Variants in PPM1E observed in about 807,000 individuals in gnomAD.
The protein encoded by PPM1E is protein phosphatase 1E.
A neutral mutation model predicts 65.9 loss-of-function variants in PPM1E; 20 were observed. That is an observed-to-expected ratio of 0.30 (90% CI 0.21 to 0.44). The LOEUF is 0.44. Ranked by LOEUF, PPM1E falls within the 20% of genes least tolerant of loss-of-function variation. PPM1E has a pLI of 1.00. For synonymous variants in PPM1E, 352 were observed against 374.9 expected (o/e 0.94, Z 0.70); for missense variants, 713 against 953.1 (o/e 0.75, Z 3.32).
At chr17:58,794,888 CT>C (rs35841208) in intron 1 of PPM1E, among the ~76,000 whole-genome samples, 32,662 of 131,330 alleles carry the variant, frequency 0.25, 3,632 homozygotes, top group Middle Eastern at 0.39. Flanking sequence ...GTACATGTGT[CT>C]TTTTTTTTTT....
chr17:58,958,605 CT>C (rs1419961666), intron 2 of PPM1E, among the ~76,000 whole-genome samples: 1 of 151,160 alleles, frequency 6.6e-6, no homozygotes, highest in Non-Finnish European at 1.5e-5. Flanking sequence ...ATTTGAAAAC[CT>C]GGATGTCTTC....
chr17:58,910,896 G>C (rs557249298), intron 1 of PPM1E, among the ~76,000 whole-genome samples: 12 of 152,224 alleles, frequency 7.9e-5, no homozygotes, highest in Non-Finnish European at 1.8e-4. Flanking sequence ...GTGCTCTGCC[G>C]CATTTCAACA....
At chr17:58,918,958 G>A (rs1360942081) in intron 1 of PPM1E, among the ~76,000 whole-genome samples, 2 of 152,046 alleles carry the variant, frequency 1.3e-5, no homozygotes, top group Non-Finnish European at 2.9e-5. Flanking sequence ...GCTTTTATGA[G>A]CTACAGTTAT....
At chr17:58,873,843 C>T (rs2143356627) in intron 1 of PPM1E, among the ~76,000 whole-genome samples, 1 of 151,088 alleles carries the variant, frequency 6.6e-6, no homozygotes, top group African/African-American at 2.4e-5. Context: ...GTGATCTGCC[C>T]ACCTTAGCCC....
At chr17:58,801,103 G>A (rs897274708) in intron 1 of PPM1E, among the ~76,000 whole-genome samples, 1 of 152,038 alleles carries the variant, frequency 6.6e-6, no homozygotes, top group African/African-American at 2.4e-5. Flanking sequence ...TGGTGAACAT[G>A]CCATGTACAC....
intron 1 of PPM1E, among the ~76,000 whole-genome samples, chr17:58,944,000 C>T (rs955412426): frequency 6.6e-6 from 1 of 152,166 alleles, no homozygotes; most frequent in Non-Finnish European, 1.5e-5. Flanking sequence ...TGCATCTGTA[C>T]TGATTTTCTT....
intron 1 of PPM1E, among the ~76,000 whole-genome samples, chr17:58,835,531 T>G (rs2050646973): frequency 6.6e-6 from 1 of 152,114 alleles, no homozygotes; most frequent in African/African-American, 2.4e-5. Flanking sequence ...TTAAAACATA[T>G]ATTTTTGACT....
intron 1 of PPM1E, among the ~76,000 whole-genome samples, chr17:58,880,438 A>G (rs2051181662): frequency 6.6e-6 from 1 of 152,224 alleles, no homozygotes; most frequent in South Asian, 2.1e-4. Flanking sequence ...AAAGATGTAT[A>G]AACATAAGAA....
chr17:58,784,143 C>T (rs1003119178), intron 1 of PPM1E, among the ~76,000 whole-genome samples: 9 of 152,050 alleles, frequency 5.9e-5, no homozygotes, highest in African/African-American at 2.2e-4. Context: ...CCACCTTAGC[C>T]TCCCGAGTAG....
chr17:58,926,535 G>A (rs2051825983), intron 1 of PPM1E, among the ~76,000 whole-genome samples: 1 of 152,030 alleles, frequency 6.6e-6, no homozygotes, highest in Non-Finnish European at 1.5e-5. Flanking sequence ...GTGTGTATAT[G>A]TAAAGAAGCA....
chr17:58,854,788 C>T (rs1415091433), intron 1 of PPM1E, among the ~76,000 whole-genome samples: 1 of 152,052 alleles, frequency 6.6e-6, no homozygotes, highest in Non-Finnish European at 1.5e-5. Context: ...TAATATGCTG[C>T]TGAATTCTGT....
At chr17:58,830,432 C>T (rs1264938699) in intron 1 of PPM1E, among the ~76,000 whole-genome samples, 15 of 151,834 alleles carry the variant, frequency 9.9e-5, no homozygotes, top group African/African-American at 2.4e-4. Context: ...CTCAGCCTCC[C>T]GAGTAGCTGG....
At chr17:58,933,111 G>A (rs1331934425) in intron 1 of PPM1E, among the ~76,000 whole-genome samples, 1 of 152,134 alleles carries the variant, frequency 6.6e-6, no homozygotes, top group Non-Finnish European at 1.5e-5. Context: ...GTTTATATGA[G>A]TATGCTCTAT....
intron 1 of PPM1E, among the ~76,000 whole-genome samples, chr17:58,917,088 T>C (rs2051692154): frequency 6.6e-6 from 1 of 151,936 alleles, no homozygotes; most frequent in African/African-American, 2.4e-5. Context: ...TTCATGCCTG[T>C]AATCCCAACT....
At chr17:58,847,352 A>G (rs999671910) in intron 1 of PPM1E, among the ~76,000 whole-genome samples, 15 of 152,308 alleles carry the variant, frequency 9.8e-5, no homozygotes, top group Non-Finnish European at 1.8e-4. Flanking sequence ...GCCCATGCCT[A>G]TGGCCTGAAT....
chr17:58,879,997 G>A (rs1206450399), intron 1 of PPM1E, among the ~76,000 whole-genome samples: 1 of 152,088 alleles, frequency 6.6e-6, no homozygotes, highest in Non-Finnish European at 1.5e-5. Context: ...AATTTCACAC[G>A]GCATGGGAGC....
chr17:58,869,097 G>A (rs1235937234), intron 1 of PPM1E, among the ~76,000 whole-genome samples: 1 of 152,172 alleles, frequency 6.6e-6, no homozygotes, highest in African/African-American at 2.4e-5. Context: ...TTGAACCCGG[G>A]AGGCAGAGAT....
rs2143887115 is a variant in PPM1E, at chr17:58,984,142, A to C, written c.*3111A>C. On this transcript the variant is annotated 3_prime_UTR_variant, in exon 7 of 7. Transcript: ENST00000308249. ...ATTGTCCTTGAATTATTATGATTAAAGTTACTGTTGCATTTAGGAGGCTCC... is the reference window on the plus strand; with the variant it reads ...ATTGTCCTTGAATTATTATGATTAACGTTACTGTTGCATTTAGGAGGCTCC... The C allele has an allele frequency of 6.5e-6, 1 of 152,786 alleles. No individual in the cohort carries two copies. The highest frequency in any genetic ancestry group is 2.1e-4 in the South Asian group (1 of 4,826). The allele number at this position is 152,786 out of a possible 1,614,324, so 9.5% of individuals were successfully genotyped here.
At chr17:58,957,425 T>G (rs947306704) in intron 2 of PPM1E, among the ~76,000 whole-genome samples, 2 of 152,204 alleles carry the variant, frequency 1.3e-5, no homozygotes, top group African/African-American at 4.8e-5. Context: ...GTGGATATAA[T>G]TGGTTATTCT....
Sources: gnomAD v4.1 joint callset for allele counts (sites outside exome capture counted in the v4.1 genomes callset) on GRCh38, gnomAD v4.1.1 for gene constraint, MANE v1.5 for transcripts, NCBI Gene and HGNC (gene_info 2026-07-23, HGNC 2026-07-21) for gene names.